PCDH15: variants seen among roughly 807,000 people sequenced by gnomAD.
PCDH15 encodes the protein protocadherin-15.
In PCDH15, 129 loss-of-function variants were observed where a neutral mutation model predicts 178.5. The ratio of observed to expected loss-of-function variants is 0.72; its 90% CI spans 0.63 to 0.84. The LOEUF is 0.84. Among genes scored for constraint, PCDH15 ranks in the 40% least tolerant of loss-of-function variants. The pLI, the probability that PCDH15 is intolerant of heterozygous loss-of-function variation, is 0.00. For synonymous variants in PCDH15, 800 were observed against 732.0 expected (o/e 1.09, Z -1.50); for missense variants, 2,230 against 2,099.9 (o/e 1.06, Z -1.21).
intron 2 of PCDH15, among the ~76,000 whole-genome samples, chr10:54,530,368 T>A (rs1171217897): frequency 6.6e-6 from 1 of 152,172 alleles, no homozygotes. Context: ...GATTAAGTCC[T>A]TATTCTCTGT....
intron 1 of PCDH15, among the ~76,000 whole-genome samples, chr10:55,318,349 C>T (rs1040496258): frequency 6.6e-6 from 1 of 151,788 alleles, no homozygotes; most frequent in Non-Finnish European, 1.5e-5. Flanking sequence ...TTGAAGGAGA[C>T]AATAAATTAA....
chr10:54,318,924 C>T (rs1464437060), intron 7 of PCDH15, among the ~76,000 whole-genome samples: 1 of 152,032 alleles, frequency 6.6e-6, no homozygotes, highest in Non-Finnish European at 1.5e-5. Context: ...CCTTTCATTT[C>T]TTTGGAAGGA....
chr10:54,527,708 G>T, intron 3 of PCDH15, 104 bp downstream of exon 3: 3 of 872,386 alleles, frequency 3.4e-6, no homozygotes, highest in African/African-American at 1.7e-5. Flanking sequence ...ATGGATTTGG[G>T]TTGAAACTTT....
At chr10:54,465,107 G>A (rs2136547748) in intron 3 of PCDH15, among the ~76,000 whole-genome samples, 1 of 151,874 alleles carries the variant, frequency 6.6e-6, no homozygotes, top group African/African-American at 2.4e-5. Context: ...GTACATAATA[G>A]GTATATATAT....
At chr10:55,137,667 T>C (rs1386952499) in intron 2 of PCDH15, among the ~76,000 whole-genome samples, 1 of 152,154 alleles carries the variant, frequency 6.6e-6, no homozygotes, top group Non-Finnish European at 1.5e-5. Context: ...GTGCTGAATA[T>C]TAACAAATAT....
intron 2 of PCDH15, among the ~76,000 whole-genome samples, chr10:55,060,148 T>C (rs550305134): frequency 2.0e-5 from 3 of 152,034 alleles, no homozygotes; most frequent in Non-Finnish European, 4.4e-5. Context: ...ATATTATGCT[T>C]TTTAGAAATT....
At chr10:55,423,707 A>T (rs573978437) in intron 2 of PCDH15, among the ~76,000 whole-genome samples, 39 of 152,038 alleles carry the variant, frequency 2.6e-4, no homozygotes, top group Non-Finnish European at 2.6e-4. Context: ...TCTGTGAAAA[A>T]TCTAAATACG....
Position 54,359,007 on chromosome 10 carries a change from G to A in PCDH15, c.474+10113C>T, listed in dbSNP as rs1051012311. Among the ~76,000 whole-genome samples, 3 of 128,624 alleles carry A rather than the reference G, an allele frequency of 2.3e-5. No homozygotes were observed. In the East Asian group the frequency reaches 7.2e-4, roughly 31 times the overall value. The allele number at this position is 128,624 out of a possible 152,430, so 84.4% of individuals were successfully genotyped here. On this transcript the variant is annotated intron_variant, in intron 5 of 37. Transcript: ENST00000644397. ...AGGGGAACATCACACTCTGGGGACT[G>A]TTGTGGGGTGGGGGGAGGGGGAGGG...
intron 3 of PCDH15, among the ~76,000 whole-genome samples, chr10:54,403,133 G>A (rs539300898): frequency 5.9e-4 from 89 of 152,086 alleles, no homozygotes; most frequent in African/African-American, 2.1e-3. Flanking sequence ...GAAAGTTTGA[G>A]TGATCTGAAT....
intron 3 of PCDH15, among the ~76,000 whole-genome samples, chr10:54,521,318 T>C (rs1216736460): frequency 6.6e-6 from 1 of 152,172 alleles, no homozygotes; most frequent in Non-Finnish European, 1.5e-5. Flanking sequence ...AAATAAACCC[T>C]TTTAAAGATA....
intron 2 of PCDH15, among the ~76,000 whole-genome samples, chr10:55,326,535 T>A (rs1253944278): frequency 6.6e-6 from 1 of 151,800 alleles, no homozygotes; most frequent in East Asian, 1.9e-4. Flanking sequence ...CATGTATACA[T>A]GAACCTAAAA....
chr10:55,159,349 C>A (rs61850937), intron 2 of PCDH15, among the ~76,000 whole-genome samples: 1 of 6,504 alleles, frequency 1.5e-4, no homozygotes, highest in African/African-American at 4.7e-4. Context: ...CCATATCTAT[C>A]TATCTATCTA....
At chr10:54,022,614 T>C (rs2092958090) in intron 19 of PCDH15, among the ~76,000 whole-genome samples, 1 of 152,162 alleles carries the variant, frequency 6.6e-6, no homozygotes, top group Non-Finnish European at 1.5e-5. Flanking sequence ...ATAAACAGAA[T>C]ATTACTTTTG....
At position 54,796,282 on chromosome 10, in the gene PCDH15, G is replaced by GTATCTATCTATCTATCTATC. The variant is rs57641746; in HGVS notation, c.-29+4623_-29+4642dup. 1.7e-3 allele frequency among the ~76,000 whole-genome samples: 219 copies of GTATCTATCTATCTATCTATC among 126,428 alleles called. 1 individual carries two copies. Among genetic ancestry groups the GTATCTATCTATCTATCTATC allele is most frequent in the African/African-American group, 5.4e-3 (178 of 32,878 alleles). 82.9% of individuals were successfully genotyped at this position (126,428 alleles called of 152,430 possible). A position where few individuals can be genotyped will look rare whatever the true frequency, so the allele number is the denominator to read the frequency against. On this transcript the variant is annotated intron_variant, in intron 1 of 37. Coordinates refer to ENST00000644397, the MANE Select transcript of PCDH15 (RefSeq NM_001384140.1). Reference sequence around the variant, plus strand: ...TCTATCTATCTATCTATGTATCTATGTATCTATCTATCTATCTATCTATCT... The same window carrying GTATCTATCTATCTATCTATC: ...TCTATCTATCTATCTATGTATCTATGTATCTATCTATCTATCTATCTATCTATCTATCTATCTATCTATCT...
rs1566105922 is a variant in PCDH15, at chr10:54,745,195, ATTC to A, written c.-29+55727_-29+55729del. 3.9e-5 allele frequency among the ~76,000 whole-genome samples: 6 copies of A among 152,290 alleles called. No individual in the cohort carries two copies. In the South Asian group the frequency reaches 1.2e-3, roughly 32 times the overall value. On this transcript the variant is annotated intron_variant, in intron 1 of 37. Transcript: ENST00000644397. The stretch of plus-strand genomic sequence containing the variant: ...GTTGTGGCAGATAATAAAAAATTAA[ATTC>A]TTCTTCCAAAGCTAAGTTGATTACT...
rs554683705 is a variant in PCDH15 at position 54,891,564 on chromosome 10, T to C, written c.-29+5886A>G. Among the ~76,000 whole-genome samples, 41 of 152,264 alleles carry C rather than the reference T, an allele frequency of 2.7e-4. No homozygotes were observed. In the South Asian group the frequency reaches 4.4e-3, roughly 16 times the overall value. ...GAGAGAGGTGTTTTGGTATGTAAGATAGGTAAATGCCAAAGGCAGAGTATG... is the reference window on the plus strand; with the variant it reads ...GAGAGAGGTGTTTTGGTATGTAAGACAGGTAAATGCCAAAGGCAGAGTATG... On this transcript the variant is annotated intron_variant, in intron 3 of 5. Coordinates refer to the PCDH15 transcript ENST00000458638.
chr10:54,114,491 C>T (rs189412273), intron 15 of PCDH15, among the ~76,000 whole-genome samples: 2 of 152,114 alleles, frequency 1.3e-5, no homozygotes, highest in East Asian at 3.9e-4. Flanking sequence ...TAGTATATTC[C>T]AGGCACTGTT....
chr10:54,934,769 C>T (rs1310472221), intron 2 of PCDH15, among the ~76,000 whole-genome samples: 1 of 151,754 alleles, frequency 6.6e-6, no homozygotes, highest in African/African-American at 2.4e-5. Flanking sequence ...GCTTTAAAGA[C>T]ACATGCACAC....
At chr10:53,808,581 C>T in intron 37 of PCDH15, 1 of 1,462,628 alleles carries the variant, frequency 6.8e-7, no homozygotes. Context: ...TAAGTCATAT[C>T]AAAATCTTGA....
Sources: gnomAD v4.1 joint callset for allele counts (sites outside exome capture counted in the v4.1 genomes callset) on GRCh38, gnomAD v4.1.1 for gene constraint, MANE v1.5 for transcripts, NCBI Gene and HGNC (gene_info 2026-07-23, HGNC 2026-07-21) for gene names.